TOX: variants seen among roughly 807,000 people sequenced by gnomAD.
The protein encoded by TOX is thymocyte selection-associated high mobility group box protein TOX.
In TOX, 11 loss-of-function variants were observed where a neutral mutation model predicts 53.7. The observed-to-expected ratio is 0.20, with a 90% CI of 0.13 to 0.34. The LOEUF is 0.34. Ranked by LOEUF, TOX falls within the 10% of genes least tolerant of loss-of-function variation. TOX has a pLI of 1.00. For synonymous variants in TOX, 225 were observed against 245.3 expected, an observed-to-expected ratio of 0.92 and a Z score of 0.77; for missense variants, 570 against 664.6, an observed-to-expected ratio of 0.86 and a Z score of 1.56.
chr8:58,828,994 C>T (rs1467988460), intron 5 of TOX, among the ~76,000 whole-genome samples: 6 of 152,144 alleles, frequency 3.9e-5, no homozygotes, highest in African/African-American at 1.2e-4. Flanking sequence ...TCCCATTCAG[C>T]TAACTAGGAT....
At chr8:58,953,796 T>C (rs1004372838) in intron 2 of TOX, among the ~76,000 whole-genome samples, 1 of 152,210 alleles carries the variant, frequency 6.6e-6, no homozygotes, top group Non-Finnish European at 1.5e-5. Flanking sequence ...GGAATTGGTT[T>C]AATTTACAGT....
rs188902053 is a variant in TOX, at chr8:58,895,853, G to A, written c.411+43449C>T. On this transcript the variant is annotated intron_variant, in intron 3 of 8. Coordinates refer to ENST00000361421, the MANE Select transcript of TOX (RefSeq NM_014729.3). ...GCTCAGTTTCTCTGTCTACAAAAAT[G>A]GAGGTTATAGTTCCTACCTCGGGAG... 3.7e-3 allele frequency among the ~76,000 whole-genome samples: 560 copies of A among 152,210 alleles called. 2 individuals are homozygous for A. The highest frequency in any genetic ancestry group is 0.013 in the South Asian group (64 of 4,810).
intron 3 of TOX, among the ~76,000 whole-genome samples, chr8:58,852,852 C>T (rs1275943101): frequency 6.6e-6 from 1 of 152,122 alleles, no homozygotes; most frequent in African/African-American, 2.4e-5. Context: ...ATAATGTTAC[C>T]TTATTCTGTT....
chr8:58,870,477 G>A (rs1399541955), intron 3 of TOX, among the ~76,000 whole-genome samples: 7 of 152,120 alleles, frequency 4.6e-5, no homozygotes, highest in Non-Finnish European at 8.8e-5. Flanking sequence ...TTAATCGATA[G>A]AGTCAATGCA....
intron 3 of TOX, among the ~76,000 whole-genome samples, chr8:58,889,225 AAAAAAAAC>A (rs1811521829): frequency 6.6e-6 from 1 of 151,012 alleles, no homozygotes; most frequent in African/African-American, 2.4e-5. Flanking sequence ...AAAAAAAAAA[AAAAAAAAC>A]AAAAAACCCT....
intron 1 of TOX, among the ~76,000 whole-genome samples, chr8:59,005,528 C>A (rs1427818298): frequency 6.6e-6 from 1 of 152,190 alleles, no homozygotes; most frequent in African/African-American, 2.4e-5. Context: ...CACACTGTTA[C>A]ATTTGTTAAA....
chr8:59,013,684 C>T (rs1465339803), intron 1 of TOX, among the ~76,000 whole-genome samples: 1 of 152,254 alleles, frequency 6.6e-6, no homozygotes, highest in Non-Finnish European at 1.5e-5. Context: ...GCTGGGATTA[C>T]AGGCGTGAGC....
chr8:59,054,303 G>A (rs1480670219), intron 1 of TOX, among the ~76,000 whole-genome samples: 5 of 152,132 alleles, frequency 3.3e-5, no homozygotes, highest in Non-Finnish European at 5.9e-5. Context: ...TGATCTTTGC[G>A]TACTCTCTCC....
chr8:58,824,423 C>T (rs142767974), intron 6 of TOX, among the ~76,000 whole-genome samples: 1 of 152,304 alleles, frequency 6.6e-6, no homozygotes, highest in Non-Finnish European at 1.5e-5. Flanking sequence ...TGGGCTCCTG[C>T]CCATCTTTCC....
intron 1 of TOX, among the ~76,000 whole-genome samples, chr8:59,030,606 T>C (rs374970654): frequency 2.0e-4 from 31 of 152,296 alleles, no homozygotes; most frequent in African/African-American, 7.2e-4. Context: ...TCCAGGCAGG[T>C]TGAAGGTCAA....
chr8:59,090,813 G>A (rs1204395377), intron 1 of TOX, among the ~76,000 whole-genome samples: 1 of 152,078 alleles, frequency 6.6e-6, no homozygotes, highest in African/African-American at 2.4e-5. Context: ...AGTAACCAGG[G>A]ACATGGACTT....
chr8:58,998,303 A>C (rs1813599997), intron 1 of TOX, among the ~76,000 whole-genome samples: 1 of 150,932 alleles, frequency 6.6e-6, no homozygotes, highest in Non-Finnish European at 1.5e-5. Context: ...AGCCTGGCCA[A>C]CATGGTGAAA....
At chr8:58,827,499 A>G (rs1490943298) in intron 5 of TOX, among the ~76,000 whole-genome samples, 3 of 152,188 alleles carry the variant, frequency 2.0e-5, no homozygotes, top group African/African-American at 7.2e-5. Flanking sequence ...GGGAAGCCCA[A>G]GTGGCTGTGG....
chr8:58,817,820 T>C (rs1810206505), intron 6 of TOX, among the ~76,000 whole-genome samples: 1 of 152,178 alleles, frequency 6.6e-6, no homozygotes, highest in Admixed American at 6.5e-5. Context: ...GTCACTCACA[T>C]TCTTGTATGA....
chr8:59,013,260 T>A (rs1471782917), intron 1 of TOX, among the ~76,000 whole-genome samples: 1 of 152,206 alleles, frequency 6.6e-6, no homozygotes, highest in African/African-American at 2.4e-5. Context: ...TTCAGCAACA[T>A]CTTATTCTGG....
intron 1 of TOX, among the ~76,000 whole-genome samples, chr8:58,974,498 T>C (rs1236645191): frequency 6.6e-6 from 1 of 152,202 alleles, no homozygotes; most frequent in South Asian, 2.1e-4. Context: ...ATTTGTACAA[T>C]GTGCTATAAT....
At chr8:59,044,751 G>T (rs1294054027) in intron 1 of TOX, among the ~76,000 whole-genome samples, 1 of 152,008 alleles carries the variant, frequency 6.6e-6, no homozygotes, top group Non-Finnish European at 1.5e-5. Flanking sequence ...GTAAAGACTG[G>T]ACAAAAGTTG....
At chr8:59,087,100 A>G (rs1240070178) in intron 1 of TOX, among the ~76,000 whole-genome samples, 1 of 152,256 alleles carries the variant, frequency 6.6e-6, no homozygotes, top group Non-Finnish European at 1.5e-5. Context: ...GGCTTTCTGC[A>G]GGCTGAAGAA....
chr8:59,057,846 TGTTTTTTGGA>T (rs1254517126), intron 1 of TOX, among the ~76,000 whole-genome samples: 2 of 152,130 alleles, frequency 1.3e-5, no homozygotes, highest in East Asian at 3.9e-4. Flanking sequence ...AGTTGTTTTT[TGTTTTTTGGA>T]GTTTTTTGGA....
Sources: allele counts gnomAD v4.1 joint callset (sites outside exome capture counted in the v4.1 genomes callset), GRCh38; gene constraint gnomAD v4.1.1; transcripts MANE v1.5; gene names NCBI Gene and HGNC (gene_info 2026-07-23, HGNC 2026-07-21).